Variants in SMAD2 observed in about 807,000 individuals in gnomAD.
SMAD2 encodes SMAD family member 2.
Under a neutral mutation model 64.4 loss-of-function variants are expected in SMAD2, and 8 were observed. That is an observed-to-expected ratio of 0.12 (90% CI 0.07 to 0.22). The LOEUF (loss-of-function observed/expected upper bound fraction) is 0.22. Ranked by LOEUF, SMAD2 falls within the 10% of genes least tolerant of loss-of-function variation. The probability of loss-of-function intolerance (pLI) is 1.00; values close to 1 mark genes in which losing one functional copy is unlikely to be tolerated. For synonymous variants in SMAD2, 203 were observed against 195.8 expected (o/e 1.04, Z -0.31); for missense variants, 289 against 561.2 (o/e 0.51, Z 4.90).
intron 7 of SMAD2, among the ~76,000 whole-genome samples, chr18:47,850,435 T>A (rs185827561): frequency 0.011 from 259 of 22,842 alleles, 66 homozygotes; most frequent in African/African-American, 0.05. Context: ...ATTATATATA[T>A]TATGTATAAT....
At position 47,850,277 on chromosome 18, in the gene SMAD2, AT is replaced by A. The variant is rs1439767264; in HGVS notation, c.784+996del. ...ATATTATGTATAATATATATTATAT[AT>A]TATATATATTATGTATAATATATAT... On this transcript the variant is annotated intron_variant, in intron 7 of 10. Coordinates refer to ENST00000262160, the MANE Select transcript of SMAD2 (RefSeq NM_005901.6). 9.9e-5 allele frequency among the ~76,000 whole-genome samples: 7 copies of A among 70,636 alleles called. 2 individuals carry two copies. Among genetic ancestry groups the A allele is most frequent in the Middle Eastern group, 0.012 (2 of 162 alleles). 46.3% of individuals were successfully genotyped at this position (70,636 alleles called of 152,430 possible).
At chr18:47,845,585 T>A (rs2144289234) in intron 9 of SMAD2, 78 bp downstream of exon 9, 1 of 1,574,508 alleles carries the variant, frequency 6.4e-7, no homozygotes, top group Non-Finnish European at 8.7e-7. Context: ...TGCAATCATC[T>A]ACTGATTCCT....
chr18:47,870,629 T>C, intron 2 of SMAD2, 65 bp from the exon 3 acceptor site: 2 of 1,018,552 alleles, frequency 2.0e-6, no homozygotes, highest in South Asian at 1.3e-5. Flanking sequence ...CAAAATACCA[T>C]GATGTAAAAC....
upstream of SMAD2, chr18:47,930,714 C>T (rs1336117163): frequency 6.8e-6 from 1 of 147,882 alleles, no homozygotes; most frequent in Non-Finnish European, 1.5e-5. Flanking sequence ...ACCGGCCGCC[C>T]GCACGGCCGC....
At chr18:47,883,515 T>C (rs1000019346) in intron 2 of SMAD2, among the ~76,000 whole-genome samples, 7 of 152,246 alleles carry the variant, frequency 4.6e-5, no homozygotes, top group Admixed American at 2.0e-4. Context: ...TGTAACTTAA[T>C]AATGTAACTT....
intron 2 of SMAD2, among the ~76,000 whole-genome samples, chr18:47,890,655 A>T (rs2144452394): frequency 6.6e-6 from 1 of 152,344 alleles, no homozygotes; most frequent in South Asian, 2.1e-4. Flanking sequence ...ATTCCCTAGG[A>T]TCTACATTCA....
At chr18:47,918,511 T>G (rs1366637373) in intron 1 of SMAD2, among the ~76,000 whole-genome samples, 7 of 152,220 alleles carry the variant, frequency 4.6e-5, no homozygotes, top group Admixed American at 2.0e-4. Flanking sequence ...CACCCACATG[T>G]TGAGTTTTTG....
chr18:47,823,680 C>T lies in SMAD2; in HGVS notation c.*18147G>A, dbSNP rs1051925791. Reference sequence around the variant, plus strand: ...AGGACAAAAAGTTGATGATTTCAGGCTGTAGACATTTTTCCTAAGACATCA... The same window carrying T: ...AGGACAAAAAGTTGATGATTTCAGGTTGTAGACATTTTTCCTAAGACATCA... On this transcript the variant is annotated 3_prime_UTR_variant, in exon 11 of 11. Transcript: ENST00000262160. 4.6e-5 allele frequency: 7 copies of T among 152,180 alleles called. No homozygotes were observed. The highest frequency in any genetic ancestry group is 7.3e-5 in the Non-Finnish European group (5 of 68,030). The allele number at this position is 152,180 out of a possible 1,614,324, so 9.4% of individuals were successfully genotyped here. A position where few individuals can be genotyped will look rare whatever the true frequency, so the allele number is the denominator to read the frequency against.
chr18:47,827,756 G>A lies in SMAD2; in HGVS notation c.*14071C>T, dbSNP rs887405897. ...CTGGGCCTCCCGAGGTGCTGGGATT[G>A]CAGATGGAGTCTCGCTCACTCAGTG... On this transcript the variant is annotated 3_prime_UTR_variant, in exon 11 of 11. Coordinates refer to ENST00000262160, the MANE Select transcript of SMAD2 (RefSeq NM_005901.6). The A allele has an allele frequency of 1.8e-4, 31 of 176,252 alleles. No homozygotes were observed. The highest frequency in any genetic ancestry group is 6.9e-4 in the African/African-American group (29 of 41,900). The allele number at this position is 176,252 out of a possible 1,614,324, so 10.9% of individuals were successfully genotyped here.
chr18:47,870,630 G>T, intron 2 of SMAD2, 66 bp from the exon 3 acceptor site: 1 of 1,000,934 alleles, frequency 1.0e-6, no homozygotes, highest in South Asian at 1.3e-5. Flanking sequence ...AAAATACCAT[G>T]ATGTAAAACA....
In SMAD2 at chr18:47,829,131, A is replaced by C. The variant is rs935567092; in HGVS notation, c.*12696T>G. Reference sequence around the variant, plus strand: ...CAGGAGCCACCAGAGGATGTTAAGGAGGCTTCCTAGAGAAGACGTGGCAAT... The same window carrying C: ...CAGGAGCCACCAGAGGATGTTAAGGCGGCTTCCTAGAGAAGACGTGGCAAT... On this transcript the variant is annotated 3_prime_UTR_variant, in exon 11 of 11. Coordinates refer to ENST00000262160, the MANE Select transcript of SMAD2 (RefSeq NM_005901.6). 4 of 152,074 alleles carry C rather than the reference A, an allele frequency of 2.6e-5. No individual in the cohort carries two copies. The highest frequency in any genetic ancestry group is 2.6e-4 in the Admixed American group (4 of 15,268). 9.4% of individuals were successfully genotyped at this position (152,074 alleles called of 1,614,324 possible).
intron 2 of SMAD2, among the ~76,000 whole-genome samples, chr18:47,888,549 A>G (rs1422469764): frequency 6.6e-6 from 1 of 152,214 alleles, no homozygotes; most frequent in Non-Finnish European, 1.5e-5. Context: ...CAGTCTAACA[A>G]GCTTTCAATC....
intron 6 of SMAD2, chr18:47,853,510 C>A (rs1420318457): frequency 5.2e-6 from 1 of 193,270 alleles, no homozygotes; most frequent in Non-Finnish European, 1.0e-5. Context: ...GGCGACAGAG[C>A]AAGACTCTGT....
In SMAD2 at chr18:47,865,062, T is replaced by C. The variant is rs2144362208; in HGVS notation, c.727A>G (p.Thr243Ala). Reference sequence around the variant, plus strand: ...TTTTCAAAGACATTTTTTTTACCTGTGTCCATACTTTGATTCAACTGTTGG... The same window carrying C: ...TTTTCAAAGACATTTTTTTTACCTGCGTCCATACTTTGATTCAACTGTTGG... ...SDQQLNQSMD[T>A]GSPAELSPTT... is the part of the protein sequence containing the mutation. The change falls in exon 6 of 11, where the codon ACA becomes GCA. Residue 243 changes from threonine (T) to alanine (A), a missense_variant. Around this residue, in one of 6 missense-constraint regions of SMAD2, gnomAD observed 119 missense variants for 156.7 expected, o/e 0.76. Coordinates refer to ENST00000262160, the MANE Select transcript of SMAD2 (RefSeq NM_005901.6). 5 of 1,578,652 alleles carry C rather than the reference T, an allele frequency of 3.2e-6. No homozygotes were observed. Among genetic ancestry groups the C allele is most frequent in the Non-Finnish European group, 4.4e-6 (5 of 1,148,268 alleles).
intron 1 of SMAD2, among the ~76,000 whole-genome samples, chr18:47,906,440 T>C (rs2033906167): frequency 1.3e-5 from 2 of 152,086 alleles, no homozygotes; most frequent in Non-Finnish European, 2.9e-5. Context: ...AGACATGTCA[T>C]AAAAGACACA....
chr18:47,871,219 G>A (rs1217131980), intron 2 of SMAD2, among the ~76,000 whole-genome samples: 2 of 152,024 alleles, frequency 1.3e-5, no homozygotes, highest in East Asian at 1.9e-4. Context: ...AGTAACTTCT[G>A]GTCAGTGAGA....
chr18:47,910,001 A>G (rs2034061551), intron 1 of SMAD2, among the ~76,000 whole-genome samples: 1 of 152,156 alleles, frequency 6.6e-6, no homozygotes, highest in South Asian at 2.1e-4. Context: ...TCATCAAAGT[A>G]TGGAAGGATT....
At chr18:47,890,992 T>C (rs2012555) in intron 2 of SMAD2, among the ~76,000 whole-genome samples, 75,326 of 151,978 alleles carry the variant, frequency 0.5, 19,869 homozygotes, top group East Asian at 0.81. Flanking sequence ...AAGTTACTAA[T>C]TACTCTGATG....
intron 2 of SMAD2, among the ~76,000 whole-genome samples, chr18:47,881,483 G>T (rs1328402797): frequency 2.6e-5 from 4 of 152,126 alleles, no homozygotes; most frequent in African/African-American, 9.7e-5. Context: ...TGTTTTAGTG[G>T]CTATATTTAT....
Sources: gnomAD v4.1 joint callset for allele counts (sites outside exome capture counted in the v4.1 genomes callset) on GRCh38, gnomAD v4.1.1 for gene constraint, gnomAD v4.1.1 regional missense constraint, MANE v1.5 for transcripts, NCBI Gene and HGNC (gene_info 2026-07-23, HGNC 2026-07-21) for gene names.